ARG2: variants seen among roughly 807,000 people sequenced by gnomAD.
ARG2 encodes the protein arginase-2, mitochondrial.
Under a neutral mutation model 39.4 loss-of-function variants are expected in ARG2, and 21 were observed. The observed-to-expected ratio is 0.53, with a 90% CI of 0.38 to 0.77. The LOEUF (loss-of-function observed/expected upper bound fraction) is 0.77, where lower values mean the gene tolerates loss of function less well. ARG2 is among the 30% of genes least tolerant of loss of function. The probability of loss-of-function intolerance (pLI) is 0.00; values close to 1 mark genes in which losing one functional copy is unlikely to be tolerated. For synonymous variants in ARG2, 150 were observed against 156.7 expected (o/e 0.96, Z 0.32); for missense variants, 378 against 426.2 (o/e 0.89, Z 1.00).
At position 67,648,052 on chromosome 14, in the gene ARG2, A is replaced by G; in HGVS notation, c.728A>G (p.Gln243Arg). The G allele has an allele frequency of 6.2e-7, 1 of 1,610,876 alleles. No individual in the cohort carries two copies. Among genetic ancestry groups the G allele is most frequent in the African/African-American group, 1.3e-5 (1 of 74,786 alleles). ...TTTATCCTCTTCCTTTTTAGGAGAC[A>G]AAGACCAATCCATTTGAGTTTTGAT... is the stretch of plus-strand genomic sequence containing the variant. ...RTFDLLIGKR[Q>R]RPIHLSFDID... The change falls in exon 7 of 8, where the codon CAA (glutamine) becomes CGA (arginine). Residue 243 changes from glutamine (Q) to arginine (R), a missense_variant. Gln to Arg is a conservative substitution (Grantham distance 43). Coordinates refer to ENST00000261783, the MANE Select transcript of ARG2 (RefSeq NM_001172.4).
rs2037171027 is a variant in ARG2 at position 67,651,205 on chromosome 14, C to T, written c.*285C>T. 1 of 1,230,998 alleles carries T rather than the reference C, an allele frequency of 8.1e-7. No homozygotes were observed. The highest frequency in any genetic ancestry group is 2.7e-5 in the Admixed American group (1 of 37,290). The allele number at this position is 1,230,998 out of a possible 1,614,324, so 76.3% of individuals were successfully genotyped here. A position where few individuals can be genotyped will look rare whatever the true frequency, so the allele number is the denominator to read the frequency against. ...TTGGTATATCATACTGGTCTTGTTG[C>T]TGTTGTTCCTTCACATTTAAGTGGT... is the stretch of plus-strand genomic sequence containing the variant. On this transcript the variant is annotated 3_prime_UTR_variant, in exon 8 of 8. Transcript: ENST00000261783.
At chr14:67,637,714 A>C (rs8017597) in intron 2 of ARG2, among the ~76,000 whole-genome samples, 147,326 of 152,296 alleles carry the variant, frequency 0.97, 71,437 homozygotes, top group East Asian at 1. Flanking sequence ...TGATTCAGTT[A>C]TGTAATTAAC....
intron 3 of ARG2, among the ~76,000 whole-genome samples, chr14:67,642,804 T>TC (rs1185419623): frequency 1.6e-5 from 2 of 124,430 alleles, no homozygotes; most frequent in Non-Finnish European, 3.3e-5. Flanking sequence ...TTTTTTTTTT[T>TC]TTTTTTTTTT....
At chr14:67,639,910 G>C (rs751722127) in intron 2 of ARG2, among the ~76,000 whole-genome samples, 1 of 122,824 alleles carries the variant, frequency 8.1e-6, no homozygotes, top group Admixed American at 1.1e-4. Context: ...GCATGATAGC[G>C]CAAGACCCTG....
At chr14:67,649,276 C>G (rs2037141111) in intron 7 of ARG2, 2 of 152,132 alleles carry the variant, frequency 1.3e-5, no homozygotes, top group African/African-American at 4.8e-5. Context: ...AATCCCAGTA[C>G]TCTGGGAGGC....
At chr14:67,647,453 G>A (rs1218458758) in intron 6 of ARG2, 4 of 159,202 alleles carry the variant, frequency 2.5e-5, no homozygotes, top group South Asian at 1.9e-4. Flanking sequence ...TTTACTTCTG[G>A]GTGATTAATG....
chr14:67,651,119 G>C lies in ARG2; in HGVS notation c.*199G>C. ...TGTATTTGGTTTTTTGCAGTTCACA[G>C]GGTATTAATATGCTACAGTACTATG... On this transcript the variant is annotated 3_prime_UTR_variant, in exon 8 of 8. Coordinates refer to ENST00000261783, the MANE Select transcript of ARG2 (RefSeq NM_001172.4). The C allele has an allele frequency of 1.1e-6, 1 of 908,668 alleles. No individual in the cohort carries two copies. The highest frequency in any genetic ancestry group is 1.6e-6 in the Non-Finnish European group (1 of 612,476). The allele number at this position is 908,668 out of a possible 1,614,324, so 56.3% of individuals were successfully genotyped here.
chr14:67,635,395 G>A (rs956761312), intron 2 of ARG2, among the ~76,000 whole-genome samples: 14 of 152,174 alleles, frequency 9.2e-5, no homozygotes, highest in Admixed American at 2.6e-4. Flanking sequence ...ACATTTTATG[G>A]ATAAGAGAAA....
At position 67,620,051 on chromosome 14, in the gene ARG2, C is replaced by T; in HGVS notation, c.74C>T (p.Ser25Phe). ...VHSILKKSVH[S>F]VAVIGAPFSQ... is the part of the protein sequence containing the mutation. ...TCCATCCTGAAGAAATCCGTCCACTCCGTGGCTGTGATAGGAGCCCCGTTC... is the reference window on the plus strand; with the variant it reads ...TCCATCCTGAAGAAATCCGTCCACTTCGTGGCTGTGATAGGAGCCCCGTTC... The change falls in exon 1 of 8, where the codon TCC becomes TTC. Residue 25 changes from serine to phenylalanine, a missense_variant. Physicochemically the swap from Ser to Phe is radical, Grantham distance 155. Transcript: ENST00000261783. 6.2e-7 allele frequency: 1 copy of T among 1,611,608 alleles called. No homozygotes were observed. The highest frequency in any genetic ancestry group is 1.3e-5 in the African/African-American group (1 of 74,820).
At chr14:67,631,429 TC>T (rs145187990) in intron 2 of ARG2, among the ~76,000 whole-genome samples, 3 of 142,814 alleles carry the variant, frequency 2.1e-5, no homozygotes, top group African/African-American at 2.7e-5. Context: ...ATCCTTTCTT[TC>T]TTTCTTTTTT....
intron 2 of ARG2, among the ~76,000 whole-genome samples, chr14:67,629,498 A>G (rs1334409652): frequency 6.6e-6 from 1 of 152,248 alleles, no homozygotes; most frequent in African/African-American, 2.4e-5. Flanking sequence ...ATAAAAACAA[A>G]GTGGAATATC....
rs185211399 is a variant in ARG2, at chr14:67,638,314, A to C, written c.185-3872A>C. Among the ~76,000 whole-genome samples the C allele has an allele frequency of 3.4e-3, 513 of 152,212 alleles. 4 individuals are homozygous for C. The highest frequency in any genetic ancestry group is 5.9e-3 in the Non-Finnish European group (398 of 67,994). ...CATGATGGGAGCATTACTTGAGCCC[A>C]GGAGTTGGAGACCAGCCTGGAAAAC... On this transcript the variant is annotated intron_variant, in intron 2 of 7. Transcript: ENST00000261783.
chr14:67,628,983 A>G (rs1374849071), intron 2 of ARG2, among the ~76,000 whole-genome samples: 1 of 152,224 alleles, frequency 6.6e-6, no homozygotes, highest in African/African-American at 2.4e-5. Context: ...GTGTCCATTG[A>G]TGGATGAATG....
chr14:67,622,225 CA>C (rs1179824016), intron 2 of ARG2, among the ~76,000 whole-genome samples: 2 of 152,188 alleles, frequency 1.3e-5, no homozygotes, highest in Non-Finnish European at 2.9e-5. Context: ...GACATAAGTG[CA>C]AAATGTGAGG....
intron 2 of ARG2, among the ~76,000 whole-genome samples, chr14:67,639,949 A>G (rs796681244): frequency 7.0e-5 from 10 of 143,544 alleles, no homozygotes; most frequent in African/African-American, 2.5e-4. Context: ...AAAAAAAAAA[A>G]GTCTGTGCAG....
chr14:67,647,271 A>G (rs1276740537), intron 6 of ARG2: 1 of 403,520 alleles, frequency 2.5e-6, no homozygotes, highest in Non-Finnish European at 4.4e-6. Context: ...CTCCATCTTT[A>G]ATGCTTATCT....
chr14:67,651,396 G>GA lies in ARG2; in HGVS notation c.*479dup. On this transcript the variant is annotated 3_prime_UTR_variant, in exon 8 of 8. Coordinates refer to ENST00000261783, the MANE Select transcript of ARG2 (RefSeq NM_001172.4). ...TTCCCTATAGAAGTTCAATGGCTGCGAAAGAATTTGTAGTAAACCAGGCCT... is the reference window on the plus strand; with the variant it reads ...TTCCCTATAGAAGTTCAATGGCTGCGAAAAGAATTTGTAGTAAACCAGGCCT... 1 of 1,613,862 alleles carries GA rather than the reference G, an allele frequency of 6.2e-7. No individual in the cohort carries two copies. The highest frequency in any genetic ancestry group is 1.1e-5 in the South Asian group (1 of 91,066).
chr14:67,624,410 GA>G (rs1337412555), intron 2 of ARG2, among the ~76,000 whole-genome samples: 1 of 152,200 alleles, frequency 6.6e-6, no homozygotes, highest in Non-Finnish European at 1.5e-5. Flanking sequence ...AATTTAAAAA[GA>G]AAAGAGGTTT....
chr14:67,651,144 G>A lies in ARG2; in HGVS notation c.*224G>A. On this transcript the variant is annotated 3_prime_UTR_variant, in exon 8 of 8. Transcript: ENST00000261783. ...GGGTATTAATATGCTACAGTACTAT[G>A]TAAATTTAAAGAAGTCATAAACAGC... 1 of 929,494 alleles carries A rather than the reference G, an allele frequency of 1.1e-6. No individual in the cohort carries two copies. Among genetic ancestry groups the A allele is most frequent in the Non-Finnish European group, 1.6e-6 (1 of 636,586 alleles). The allele number at this position is 929,494 out of a possible 1,614,324, so 57.6% of individuals were successfully genotyped here.
Sources: gnomAD v4.1 joint callset for allele counts (sites outside exome capture counted in the v4.1 genomes callset) on GRCh38, gnomAD v4.1.1 for gene constraint, MANE v1.5 for transcripts, NCBI Gene and HGNC (gene_info 2026-07-23, HGNC 2026-07-21) for gene names.